Variants in NPAS3 observed in about 807,000 individuals in gnomAD.
NPAS3 encodes the protein neuronal PAS domain protein 3, also known as neuronal PAS domain-containing protein 3.
Under a neutral mutation model 73.1 loss-of-function variants are expected in NPAS3, and 14 were observed. That is an observed-to-expected ratio of 0.19 (90% CI 0.13 to 0.30). NPAS3 has a LOEUF of 0.30. NPAS3 is among the 10% of genes least tolerant of loss of function. The pLI, the probability that NPAS3 is intolerant of heterozygous loss-of-function variation, is 1.00. For synonymous variants in NPAS3, 620 were observed against 541.5 expected, an observed-to-expected ratio of 1.14 and a Z score of -2.01; for missense variants, 1,096 against 1,250.0, an observed-to-expected ratio of 0.88 and a Z score of 1.86.
At chr14:33,555,535 A>G (rs1490743549) in intron 4 of NPAS3, among the ~76,000 whole-genome samples, 2 of 152,158 alleles carry the variant, frequency 1.3e-5, no homozygotes, top group Non-Finnish European at 2.9e-5. Flanking sequence ...AATTCCACAG[A>G]ACTTTGAGAT....
chr14:33,381,147 A>T (rs1159663219), intron 4 of NPAS3, among the ~76,000 whole-genome samples: 1 of 152,246 alleles, frequency 6.6e-6, no homozygotes, highest in Non-Finnish European at 1.5e-5. Context: ...TTGTAGTCAC[A>T]TAGGAGATAA....
At chr14:33,471,160 C>G (rs989554565) in intron 4 of NPAS3, among the ~76,000 whole-genome samples, 3 of 152,130 alleles carry the variant, frequency 2.0e-5, no homozygotes, top group Admixed American at 1.3e-4. Flanking sequence ...AAAATGCTTT[C>G]CCATCCAGTA....
At chr14:33,146,836 C>T (rs571298968) in intron 2 of NPAS3, among the ~76,000 whole-genome samples, 1 of 152,254 alleles carries the variant, frequency 6.6e-6, no homozygotes, top group South Asian at 2.1e-4. Flanking sequence ...GGCCATGACT[C>T]GATCAGGGAA....
chr14:33,318,529 T>A (rs1464444012), intron 3 of NPAS3, among the ~76,000 whole-genome samples: 1 of 152,136 alleles, frequency 6.6e-6, no homozygotes, highest in Non-Finnish European at 1.5e-5. Flanking sequence ...AATGTCATTA[T>A]GTTTATAATT....
chr14:33,580,113 G>A (rs1187607117), intron 5 of NPAS3, among the ~76,000 whole-genome samples: 1 of 152,122 alleles, frequency 6.6e-6, no homozygotes, highest in African/African-American at 2.4e-5. Flanking sequence ...CTCTGGCTAT[G>A]GTTGGTAACC....
At chr14:33,538,187 C>T (rs1268306669) in intron 4 of NPAS3, among the ~76,000 whole-genome samples, 1 of 152,096 alleles carries the variant, frequency 6.6e-6, no homozygotes, top group Admixed American at 6.6e-5. Context: ...CCATTCAGCC[C>T]CACTTTAAGG....
chr14:33,663,509 A>G (rs1470289623), intron 5 of NPAS3, among the ~76,000 whole-genome samples: 2 of 152,038 alleles, frequency 1.3e-5, no homozygotes, highest in East Asian at 3.9e-4. Context: ...TTCATCAGGG[A>G]TATTGGCCTG....
At chr14:33,407,670 C>A (rs17578192) in intron 4 of NPAS3, among the ~76,000 whole-genome samples, 1 of 152,142 alleles carries the variant, frequency 6.6e-6, no homozygotes, top group East Asian at 1.9e-4. Flanking sequence ...ATTTCGGTGC[C>A]TTTATTTTTC....
intron 5 of NPAS3, among the ~76,000 whole-genome samples, chr14:33,660,176 G>A (rs930892251): frequency 3.3e-5 from 5 of 152,204 alleles, no homozygotes; most frequent in East Asian, 1.9e-4. Context: ...CCATTGCTTC[G>A]GTGATGCCAA....
intron 4 of NPAS3, among the ~76,000 whole-genome samples, chr14:33,508,150 A>G (rs1326565453): frequency 1.1e-4 from 17 of 152,062 alleles, no homozygotes; most frequent in Non-Finnish European, 1.8e-4. Flanking sequence ...CATGTTTCCT[A>G]TGTTATGGCA....
chr14:33,741,384 A>G (rs2061652175), intron 7 of NPAS3, among the ~76,000 whole-genome samples: 1 of 152,194 alleles, frequency 6.6e-6, no homozygotes, highest in African/African-American at 2.4e-5. Context: ...CCTTTCAATC[A>G]ACCCAGACAC....
intron 1 of NPAS3, among the ~76,000 whole-genome samples, chr14:32,985,771 C>A (rs1429472880): frequency 6.6e-6 from 1 of 152,196 alleles, no homozygotes; most frequent in Non-Finnish European, 1.5e-5. Flanking sequence ...GATTCACATT[C>A]TCAACATGGA....
intron 7 of NPAS3, among the ~76,000 whole-genome samples, chr14:33,750,026 A>G (rs1026491991): frequency 3.3e-5 from 5 of 152,148 alleles, no homozygotes; most frequent in Admixed American, 3.3e-4. Flanking sequence ...CCAGTCCTAA[A>G]AAATTTTTTA....
At chr14:33,669,352 A>C (rs1255223166) in intron 5 of NPAS3, among the ~76,000 whole-genome samples, 1 of 152,196 alleles carries the variant, frequency 6.6e-6, no homozygotes, top group Non-Finnish European at 1.5e-5. Context: ...GAACCTTGTA[A>C]AACAAGGTTT....
chr14:33,388,159 G>T (rs1219946600), intron 4 of NPAS3, among the ~76,000 whole-genome samples: 1 of 152,194 alleles, frequency 6.6e-6, no homozygotes, highest in African/African-American at 2.4e-5. Flanking sequence ...ATAGGAAGTG[G>T]CCCTGTGTGA....
chr14:33,404,254 T>C lies in NPAS3; in HGVS notation c.468+36986T>C, dbSNP rs564822436. 1.8e-3 allele frequency among the ~76,000 whole-genome samples: 278 copies of C among 152,206 alleles called. 2 individuals are homozygous for C. The highest frequency in any genetic ancestry group is 6.2e-3 in the African/African-American group (258 of 41,548). On this transcript the variant is annotated intron_variant, in intron 4 of 11. Coordinates refer to ENST00000356141, the Ensembl canonical transcript of NPAS3. ...GTGAACTTCTTGTTGCTATACTACG[T>C]GTGGTAGGAATGCTGCTTTTCTGAA...
chr14:33,598,105 C>T (rs2057298893), intron 5 of NPAS3, among the ~76,000 whole-genome samples: 1 of 152,158 alleles, frequency 6.6e-6, no homozygotes, highest in Non-Finnish European at 1.5e-5. Flanking sequence ...AAATAAGTTA[C>T]TGCTATTGAA....
chr14:33,406,945 G>A (rs2047694068), intron 4 of NPAS3, among the ~76,000 whole-genome samples: 1 of 152,104 alleles, frequency 6.6e-6, no homozygotes, highest in South Asian at 2.1e-4. Context: ...GCCCTACACA[G>A]TACAGTTCAA....
At chr14:33,618,574 G>A (rs564248366) in intron 5 of NPAS3, among the ~76,000 whole-genome samples, 2 of 152,190 alleles carry the variant, frequency 1.3e-5, no homozygotes, top group African/African-American at 2.4e-5. Context: ...ATAAAGCTTC[G>A]CTGGCTCACC....
Sources: allele counts gnomAD v4.1 joint callset (sites outside exome capture counted in the v4.1 genomes callset), GRCh38; gene constraint gnomAD v4.1.1; transcripts MANE v1.5; gene names NCBI Gene and HGNC (gene_info 2026-07-23, HGNC 2026-07-21).